The following CCDC6 variants were observed in gnomAD, a reference collection of about 807,000 sequenced individuals.
The protein encoded by CCDC6 is coiled-coil domain-containing protein 6.
CCDC6 carries 20 observed loss-of-function variants against 56.6 expected under a neutral mutation model. The observed-to-expected ratio is 0.35, with a 90% CI of 0.25 to 0.51. The LOEUF is 0.51. Among genes scored for constraint, CCDC6 ranks in the 20% least tolerant of loss-of-function variants. The pLI is 0.95. For synonymous variants in CCDC6, 241 were observed against 234.4 expected (o/e 1.03, Z -0.26); for missense variants, 367 against 601.1 (o/e 0.61, Z 4.07).
At chr10:59,894,154 C>T (rs1350794876) in intron 1 of CCDC6, among the ~76,000 whole-genome samples, 1 of 152,292 alleles carries the variant, frequency 6.6e-6, no homozygotes, top group East Asian at 1.9e-4. Flanking sequence ...ATTAAAAAGA[C>T]ACAAATAAAT....
chr10:59,883,797 T>C (rs969935946), intron 1 of CCDC6, among the ~76,000 whole-genome samples: 1 of 152,220 alleles, frequency 6.6e-6, no homozygotes, highest in African/African-American at 2.4e-5. Context: ...CATATACTGA[T>C]GGTGATCAGG....
intron 1 of CCDC6, among the ~76,000 whole-genome samples, chr10:59,884,849 A>G (rs925820887): frequency 3.9e-5 from 6 of 152,166 alleles, no homozygotes; most frequent in African/African-American, 1.4e-4. Flanking sequence ...AGATCACTTG[A>G]AGTCAGGAAT....
At chr10:59,796,558 A>G (rs2070521194) in intron 7 of CCDC6, among the ~76,000 whole-genome samples, 1 of 152,248 alleles carries the variant, frequency 6.6e-6, no homozygotes, top group South Asian at 2.1e-4. Context: ...GATTAAAACT[A>G]GAAGTACCAC....
chr10:59,830,874 C>A (rs1463631834), intron 3 of CCDC6, among the ~76,000 whole-genome samples: 1 of 152,172 alleles, frequency 6.6e-6, no homozygotes. Context: ...CCTTTAGGAG[C>A]CTGTGAACAA....
intron 1 of CCDC6, among the ~76,000 whole-genome samples, chr10:59,898,338 T>C (rs182295225): frequency 1.3e-5 from 2 of 152,318 alleles, no homozygotes; most frequent in East Asian, 3.9e-4. Context: ...CAGCATAAAT[T>C]GAGCAACAGC....
chr10:59,894,365 T>A (rs1359876396), intron 1 of CCDC6, among the ~76,000 whole-genome samples: 1 of 152,186 alleles, frequency 6.6e-6, no homozygotes, highest in East Asian at 1.9e-4. Context: ...GTCCAATCAT[T>A]ACTCAGCCCC....
At chr10:59,843,108 G>C (rs1039633232) in intron 2 of CCDC6, among the ~76,000 whole-genome samples, 2 of 152,074 alleles carry the variant, frequency 1.3e-5, no homozygotes, top group East Asian at 1.9e-4. Flanking sequence ...GGATGGTCTC[G>C]ATCTCCTGAC....
At chr10:59,816,225 A>T (rs1400177845) in intron 3 of CCDC6, among the ~76,000 whole-genome samples, 2 of 152,194 alleles carry the variant, frequency 1.3e-5, no homozygotes, top group Middle Eastern at 3.2e-3. Flanking sequence ...ACCTGAGAGG[A>T]AATGATATAA....
At chr10:59,879,310 C>T (rs1009972617) in intron 1 of CCDC6, among the ~76,000 whole-genome samples, 4 of 152,082 alleles carry the variant, frequency 2.6e-5, no homozygotes, top group African/African-American at 4.8e-5. Flanking sequence ...GAAGTTCAAT[C>T]CCATTTTAAG....
chr10:59,840,227 G>C (rs1564745970), intron 2 of CCDC6, among the ~76,000 whole-genome samples: 1 of 152,094 alleles, frequency 6.6e-6, no homozygotes, highest in African/African-American at 2.4e-5. Context: ...GAAACCACTG[G>C]GTCATAGAGA....
intron 1 of CCDC6, among the ~76,000 whole-genome samples, chr10:59,902,723 T>C (rs1476690963): frequency 1.3e-5 from 2 of 152,170 alleles, no homozygotes; most frequent in Non-Finnish European, 2.9e-5. Context: ...TCTTATTCAC[T>C]GTTGGTGGGA....
chr10:59,818,300 GT>G (rs1425029421), intron 3 of CCDC6, among the ~76,000 whole-genome samples: 1 of 152,064 alleles, frequency 6.6e-6, no homozygotes, highest in Non-Finnish European at 1.5e-5. Context: ...TGTTGGTAGA[GT>G]TACCAGCTAT....
chr10:59,847,321 G>A (rs1170773827), intron 2 of CCDC6, among the ~76,000 whole-genome samples: 1 of 151,812 alleles, frequency 6.6e-6, no homozygotes, highest in Non-Finnish European at 1.5e-5. Context: ...CCAAAGTGTT[G>A]GGATTACAGG....
intron 1 of CCDC6, among the ~76,000 whole-genome samples, chr10:59,878,477 C>A (rs1316490523): frequency 4.6e-5 from 7 of 152,202 alleles, no homozygotes; most frequent in African/African-American, 1.7e-4. Flanking sequence ...GCCAGTTTCA[C>A]AATCTATCCC....
intron 1 of CCDC6, among the ~76,000 whole-genome samples, chr10:59,894,639 T>C (rs1415202099): frequency 7.0e-6 from 1 of 142,170 alleles, no homozygotes; most frequent in African/African-American, 2.6e-5. Flanking sequence ...GATTGTAACA[T>C]AAATGCAAAG....
intron 1 of CCDC6, among the ~76,000 whole-genome samples, chr10:59,875,576 G>C (rs139038740): frequency 6.6e-6 from 1 of 152,318 alleles, no homozygotes; most frequent in East Asian, 1.9e-4. Flanking sequence ...TAAAGTTGCT[G>C]ATCTGTTGAA....
chr10:59,842,180 T>TA (rs2070945606), intron 2 of CCDC6, among the ~76,000 whole-genome samples: 1 of 152,126 alleles, frequency 6.6e-6, no homozygotes, highest in Non-Finnish European at 1.5e-5. Context: ...TAGCTGGGAC[T>TA]ACAGGCGTGC....
chr10:59,876,073 C>CTTTTTTTTTTTTT lies in CCDC6; in HGVS notation c.304-23384_304-23372dup, dbSNP rs1172379933. On this transcript the variant is annotated intron_variant, in intron 1 of 8. Coordinates refer to ENST00000263102, the MANE Select transcript of CCDC6 (RefSeq NM_005436.5). ...CATACACGAGTGCATGCACAGATGT[C>CTTTTTTTTTTTTT]TTTTTTTTTTTTTTTTTTCAGATCG... Among the ~76,000 whole-genome samples the CTTTTTTTTTTTTT allele has an allele frequency of 2.6e-3, 256 of 97,540 alleles. 78 individuals carry two copies. The highest frequency in any genetic ancestry group is 6.1e-3 in the African/African-American group (148 of 24,214). The allele number at this position is 97,540 out of a possible 152,430, so 64.0% of individuals were successfully genotyped here.
Position 59,793,016 on chromosome 10 carries a change from C to T in CCDC6, c.1326G>A (p.Pro442=), listed in dbSNP as rs1053265. The stretch of plus-strand genomic sequence containing the variant: ...GCTGCATGGGTGGCGGAGGTGGAGG[C>T]GGAGGTGGCTGGACTGGGGTCTGTG... ...PNTQTPVQPP[P]PPPPPPMQPT... Residue 442 remains proline, a synonymous_variant, in exon 9 of 9, where the codon CCG becomes CCA. Transcript: ENST00000263102. The T allele has an allele frequency of 0.75, 1,216,228 of 1,613,594 alleles. 464,138 individuals are homozygous for T. Among genetic ancestry groups the T allele is most frequent in the Middle Eastern group, 0.81 (4,935 of 6,058 alleles).
Sources: allele counts gnomAD v4.1 joint callset (sites outside exome capture counted in the v4.1 genomes callset), GRCh38; gene constraint gnomAD v4.1.1; transcripts MANE v1.5; gene names NCBI Gene and HGNC (gene_info 2026-07-23, HGNC 2026-07-21).